The following PLEKHA8 variants were observed in gnomAD, a reference collection of about 807,000 sequenced individuals.
The protein encoded by PLEKHA8 is pleckstrin homology domain containing A8.
In PLEKHA8, 36 loss-of-function variants were observed where a neutral mutation model predicts 68.2. The ratio of observed to expected loss-of-function variants is 0.53; its 90% CI spans 0.40 to 0.70. PLEKHA8 has a LOEUF of 0.70. Ranked by LOEUF, PLEKHA8 falls within the 30% of genes least tolerant of loss-of-function variation. The pLI, the probability that PLEKHA8 is intolerant of heterozygous loss-of-function variation, is 0.00. For missense variants in PLEKHA8, 505 were observed against 615.4 expected (o/e 0.82, Z 1.90); for synonymous variants, 211 against 216.1 (o/e 0.98, Z 0.20).
chr7:30,071,905 CAG>C (rs1229898848), intron 12 of PLEKHA8: 2 of 152,218 alleles, frequency 1.3e-5, no homozygotes, highest in Admixed American at 6.5e-5. Context: ...TGGTTTTTAT[CAG>C]AGGCTGTACC....
intron 13 of PLEKHA8, among the ~76,000 whole-genome samples, chr7:30,108,409 G>C (rs1011137860): frequency 1.3e-5 from 2 of 152,134 alleles, no homozygotes; most frequent in African/African-American, 4.8e-5. Flanking sequence ...CACTGGAACA[G>C]TTTGTTTTAG....
chr7:30,058,457 A>G (rs1183349139), intron 9 of PLEKHA8, among the ~76,000 whole-genome samples: 2 of 146,524 alleles, frequency 1.4e-5, no homozygotes, highest in African/African-American at 5.0e-5. Flanking sequence ...GGTGTGAGGT[A>G]GGGAGTTGAG....
chr7:30,029,565 A>T (rs1583750710), intron 1 of PLEKHA8, among the ~76,000 whole-genome samples: 1 of 152,118 alleles, frequency 6.6e-6, no homozygotes, highest in African/African-American at 2.4e-5. Context: ...CAGAACGATC[A>T]TTTTTGTCAT....
At position 30,100,578 on chromosome 7, in the gene PLEKHA8, A is replaced by T. The variant is rs949596958; in HGVS notation, c.1362+26446A>T. Among the ~76,000 whole-genome samples, 13 of 152,194 alleles carry T rather than the reference A, an allele frequency of 8.5e-5. No homozygotes were observed. In the East Asian group the frequency reaches 1.2e-3, roughly 14 times the overall value. The stretch of plus-strand genomic sequence containing the variant: ...AAAAATTAATTAATTAATTAATTAA[A>T]TAAATCTTATAGAGGAACACAATTC... On this transcript the variant is annotated intron_variant, in intron 13 of 13. Transcript: ENST00000396257.
chr7:30,089,403 A>G (rs376788433), downstream of PLEKHA8, among the ~76,000 whole-genome samples: 231 of 150,186 alleles, frequency 1.5e-3, no homozygotes, highest in African/African-American at 4.8e-3. Flanking sequence ...CAGAGCTATG[A>G]CCAACCTCTG....
At chr7:30,059,616 C>T (rs1016369613) in intron 9 of PLEKHA8, among the ~76,000 whole-genome samples, 2 of 149,430 alleles carry the variant, frequency 1.3e-5, no homozygotes, top group African/African-American at 4.9e-5. Context: ...CCTCTTTTGG[C>T]CTCTTAGCTA....
At chr7:30,041,556 G>T (rs1172839055) in intron 1 of PLEKHA8, among the ~76,000 whole-genome samples, 2 of 151,572 alleles carry the variant, frequency 1.3e-5, no homozygotes, top group Non-Finnish European at 2.9e-5. Context: ...ACCTTGCCCA[G>T]CTAGTTTTTA....
At chr7:30,042,511 C>T (rs1791619727) in intron 1 of PLEKHA8, among the ~76,000 whole-genome samples, 1 of 152,170 alleles carries the variant, frequency 6.6e-6, no homozygotes, top group Non-Finnish European at 1.5e-5. Flanking sequence ...CTGTTCACAC[C>T]AGCCAGCGTC....
At chr7:30,032,336 C>T (rs573824709) in intron 1 of PLEKHA8, among the ~76,000 whole-genome samples, 2 of 152,306 alleles carry the variant, frequency 1.3e-5, no homozygotes, top group South Asian at 4.1e-4. Flanking sequence ...TTAGTATCTT[C>T]CTCCATTTAA....
At chr7:30,124,700 C>A (rs1049070628) in intron 13 of PLEKHA8, among the ~76,000 whole-genome samples, 3 of 152,014 alleles carry the variant, frequency 2.0e-5, no homozygotes, top group Non-Finnish European at 4.4e-5. Context: ...TTACTAGATC[C>A]TCGACTATTT....
intron 9 of PLEKHA8, 84 bp downstream of exon 9, chr7:30,055,426 C>G (rs367775775): frequency 8.4e-7 from 1 of 1,187,624 alleles, no homozygotes; most frequent in African/African-American, 1.5e-5. Flanking sequence ...ATACCCCAAA[C>G]TATGTGTACA....
chr7:30,082,475 G>A lies in PLEKHA8; in HGVS notation c.*3688G>A, dbSNP rs1463998170. The A allele has an allele frequency of 2.0e-6, 2 of 985,378 alleles. No homozygotes were observed. Among genetic ancestry groups the A allele is most frequent in the Middle Eastern group, 5.2e-4 (1 of 1,914 alleles). The allele number at this position is 985,378 out of a possible 1,614,324, so 61.0% of individuals were successfully genotyped here. A position where few individuals can be genotyped will look rare whatever the true frequency, so the allele number is the denominator to read the frequency against. Reference sequence around the variant, plus strand: ...GACTGCAAGAGCTTCTTAAGAAGGAGCCCATATTCCCATTTGTAGCTGGAA... The same window carrying A: ...GACTGCAAGAGCTTCTTAAGAAGGAACCCATATTCCCATTTGTAGCTGGAA... On this transcript the variant is annotated 3_prime_UTR_variant, in exon 14 of 14. Transcript: ENST00000449726.
chr7:30,099,022 C>G (rs1362730117), intron 13 of PLEKHA8, among the ~76,000 whole-genome samples: 1 of 152,232 alleles, frequency 6.6e-6, no homozygotes, highest in Non-Finnish European at 1.5e-5. Context: ...TCCCAAAGTT[C>G]TGGGATTACA....
Position 30,109,759 on chromosome 7 carries a change from C to T in PLEKHA8, c.1363-19507C>T, listed in dbSNP as rs187954951. On this transcript the variant is annotated intron_variant, in intron 13 of 13. Transcript: ENST00000396257. Reference sequence around the variant, plus strand: ...CAATCACGCCTCACTGCAACCTTCGCCTCCCGGGCTCAAGCAATCCTTTCA... The same window carrying T: ...CAATCACGCCTCACTGCAACCTTCGTCTCCCGGGCTCAAGCAATCCTTTCA... 1.3e-4 allele frequency among the ~76,000 whole-genome samples: 20 copies of T among 151,140 alleles called. No homozygotes were observed. The East Asian group carries it at 3.7e-3, about 28-fold the overall frequency.
At chr7:30,074,281 GTGT>G (rs1794470939) in intron 13 of PLEKHA8, 149 bp downstream of exon 13, 3 of 492,024 alleles carry the variant, frequency 6.1e-6, no homozygotes, top group Admixed American at 4.1e-5. Flanking sequence ...TGTATGTGTG[GTGT>G]TTTTGTTTGC....
At chr7:30,100,760 TA>T (rs1438547862) in intron 13 of PLEKHA8, among the ~76,000 whole-genome samples, 1 of 151,954 alleles carries the variant, frequency 6.6e-6, no homozygotes, top group Non-Finnish European at 1.5e-5. Flanking sequence ...GAAAAGACAA[TA>T]AAAGGTATAC....
intron 4 of PLEKHA8, 90 bp downstream of exon 4, chr7:30,048,046 T>C: frequency 1.3e-6 from 1 of 742,616 alleles, no homozygotes; most frequent in African/African-American, 1.9e-5. Flanking sequence ...TAAAATATTA[T>C]TTTATTAATA....
intron 1 of PLEKHA8, among the ~76,000 whole-genome samples, chr7:30,030,302 G>GT (rs962830907): frequency 4.0e-5 from 6 of 151,830 alleles, no homozygotes; most frequent in African/African-American, 4.8e-5. Flanking sequence ...GTTTTGTGGG[G>GT]TTTTTTCCCC....
chr7:30,047,192 C>T (rs1792026300), intron 3 of PLEKHA8, among the ~76,000 whole-genome samples: 1 of 152,098 alleles, frequency 6.6e-6, no homozygotes, highest in Admixed American at 6.5e-5. Context: ...TTGGCTTTGA[C>T]TCAGAGCAGA....
Sources: allele counts gnomAD v4.1 joint callset (sites outside exome capture counted in the v4.1 genomes callset), GRCh38; gene constraint gnomAD v4.1.1; transcripts MANE v1.5; gene names NCBI Gene and HGNC (gene_info 2026-07-23, HGNC 2026-07-21).